Variants in OTOA observed in about 807,000 individuals in gnomAD.
OTOA encodes cancer/testis antigen 108.
A neutral mutation model predicts 110.8 loss-of-function variants in OTOA; 70 were observed. That is an observed-to-expected ratio of 0.63 (90% CI 0.52 to 0.77). The LOEUF (loss-of-function observed/expected upper bound fraction) is 0.77. Among genes scored for constraint, OTOA ranks in the 30% least tolerant of loss-of-function variants. OTOA has a pLI of 0.00. For missense variants in OTOA, 917 were observed against 1,075.8 expected, an observed-to-expected ratio of 0.85 and a Z score of 2.06; for synonymous variants, 373 against 431.5, an observed-to-expected ratio of 0.86 and a Z score of 1.68.
In OTOA at chr16:21,678,960, C is replaced by T; in HGVS notation, c.120+17C>T. 1 of 1,613,816 alleles carries T rather than the reference C, an allele frequency of 6.2e-7. No individual in the cohort carries two copies. Among genetic ancestry groups the T allele is most frequent in the Non-Finnish European group, 8.5e-7 (1 of 1,179,888 alleles). Reference sequence around the variant, plus strand: ...AACATGGCGGTGAGTATTCTATTTTCTGTTAATCAGAGTCCCCTCTACTGG... The same window carrying T: ...AACATGGCGGTGAGTATTCTATTTTTTGTTAATCAGAGTCCCCTCTACTGG... On this transcript the variant is annotated intron_variant, in intron 3 of 28. Coordinates refer to ENST00000646100, the MANE Select transcript of OTOA (RefSeq NM_144672.4).
chr16:21,718,133 T>A (rs958387821), intron 15 of OTOA, among the ~76,000 whole-genome samples: 5 of 152,124 alleles, frequency 3.3e-5, no homozygotes, highest in African/African-American at 1.2e-4. Flanking sequence ...AATTTTTGTA[T>A]TTTTTATAGA....
Position 21,679,076 on chromosome 16 carries a change from C to G in OTOA, c.151+10C>G. The G allele has an allele frequency of 6.2e-7, 1 of 1,613,778 alleles. No individual in the cohort carries two copies. Among genetic ancestry groups the G allele is most frequent in the Non-Finnish European group, 8.5e-7 (1 of 1,179,822 alleles). On this transcript the variant is annotated intron_variant, in intron 4 of 28. Transcript: ENST00000646100. ...GGAAGCTATCTGAATGGTAATGTGC[C>G]CCCTTGATCTCCACTTGCTTCTTCT... is the stretch of plus-strand genomic sequence containing the variant.
Position 21,679,179 on chromosome 16 carries a change from T to C in OTOA, c.152-5T>C. 1 of 1,613,832 alleles carries C rather than the reference T, an allele frequency of 6.2e-7. No individual in the cohort carries two copies. The highest frequency in any genetic ancestry group is 8.5e-7 in the Non-Finnish European group (1 of 1,179,902). On this transcript the variant is annotated splice_region_variant and splice_polypyrimidine_tract_variant and intron_variant, in intron 4 of 28. Transcript: ENST00000646100. The stretch of plus-strand genomic sequence containing the variant: ...AGATGTCTTTTCATTTTACTCCCAT[T>C]GTAGCACTGCTGGATCTCATACAGT...
rs1006123343 is a variant in OTOA at position 21,731,985 on chromosome 16, C to T, written c.2301+1055C>T. ...TATTTTATTATTTTATTTTATTTTGCGATGGAGTCTCCCTCTGTTGCCCAG... is the reference window on the plus strand; with the variant it reads ...TATTTTATTATTTTATTTTATTTTGTGATGGAGTCTCCCTCTGTTGCCCAG... On this transcript the variant is annotated intron_variant, in intron 21 of 28. Transcript: ENST00000646100. 4.6e-5 allele frequency among the ~76,000 whole-genome samples: 7 copies of T among 152,010 alleles called. No homozygotes were observed. In the South Asian group the frequency reaches 6.3e-4, roughly 14 times the overall value.
At chr16:21,667,324 C>T (rs974951683) in intron 1 of OTOA, among the ~76,000 whole-genome samples, 8 of 152,156 alleles carry the variant, frequency 5.3e-5, no homozygotes. Context: ...ATTTGCATAA[C>T]AAGTTAGACA....
chr16:21,697,037 C>CTTTTTTTTTTTTTT (rs56124254), intron 9 of OTOA, among the ~76,000 whole-genome samples: 1 of 65,034 alleles, frequency 1.5e-5, no homozygotes. Flanking sequence ...CTACAGCTGG[C>CTTTTTTTTTTTTTT]TTTTTTTTTT....
chr16:21,684,192 C>G (rs1332140550), intron 6 of OTOA, among the ~76,000 whole-genome samples: 1 of 152,014 alleles, frequency 6.6e-6, no homozygotes, highest in African/African-American at 2.4e-5. Flanking sequence ...GTATTTTACC[C>G]AGCAACCCTA....
intron 21 of OTOA, among the ~76,000 whole-genome samples, chr16:21,731,148 C>T (rs1899103413): frequency 6.6e-6 from 1 of 151,940 alleles, no homozygotes; most frequent in Admixed American, 6.6e-5. Context: ...TTTGTGTGGC[C>T]CCCCAGGCAG....
At chr16:21,667,051 G>T (rs1051430994) in intron 1 of OTOA, among the ~76,000 whole-genome samples, 58 of 152,234 alleles carry the variant, frequency 3.8e-4, no homozygotes, top group African/African-American at 1.4e-3. Flanking sequence ...GAGAAAAAAG[G>T]GTCAAAGGTT....
At chr16:21,686,871 T>A (rs2141660440) in intron 7 of OTOA, among the ~76,000 whole-genome samples, 1 of 152,146 alleles carries the variant, frequency 6.6e-6, no homozygotes, top group Admixed American at 6.5e-5. Flanking sequence ...GCGGACTGGG[T>A]GACAGAGCGA....
chr16:21,717,135 A>C (rs1597837134), intron 15 of OTOA, 88 bp downstream of exon 15: 1 of 1,556,520 alleles, frequency 6.4e-7, no homozygotes, highest in Non-Finnish European at 8.8e-7. Flanking sequence ...AATTTGATAA[A>C]AGAAATTTAT....
intron 21 of OTOA, among the ~76,000 whole-genome samples, chr16:21,734,600 G>A (rs1179515104): frequency 4.6e-5 from 7 of 152,230 alleles, no homozygotes; most frequent in African/African-American, 1.7e-4. Context: ...AGTTTGGGAG[G>A]CCGAGGCGGG....
chr16:21,734,606 G>A lies in OTOA; in HGVS notation c.2302-1655G>A, dbSNP rs376340701. 4.0e-4 allele frequency among the ~76,000 whole-genome samples: 61 copies of A among 152,342 alleles called. No homozygotes were observed. In the South Asian group the frequency reaches 0.013, roughly 32 times the overall value. On this transcript the variant is annotated intron_variant, in intron 21 of 28. Coordinates refer to ENST00000646100, the MANE Select transcript of OTOA (RefSeq NM_144672.4). The stretch of plus-strand genomic sequence containing the variant: ...AATCCCAGCAGTTTGGGAGGCCGAG[G>A]CGGGCAGATCACGAGGTCAGGAGAT...
intron 5 of OTOA, among the ~76,000 whole-genome samples, chr16:21,681,402 G>A (rs534186760): frequency 6.6e-6 from 1 of 152,108 alleles, no homozygotes; most frequent in South Asian, 2.1e-4. Flanking sequence ...ACCAGCCTGG[G>A]CAACATAGTG....
chr16:21,721,800 G>A (rs370280713), intron 17 of OTOA, among the ~76,000 whole-genome samples: 2 of 152,102 alleles, frequency 1.3e-5, no homozygotes, highest in African/African-American at 4.8e-5. Flanking sequence ...ACTGAGGCAG[G>A]AGGATCACTT....
At chr16:21,736,503 A>G (rs1406565622) in intron 22 of OTOA, 113 bp downstream of exon 22, 1 of 1,227,244 alleles carries the variant, frequency 8.1e-7, no homozygotes, top group African/African-American at 1.5e-5. Flanking sequence ...AATGTCTGCA[A>G]AGCAATAGAA....
At chr16:21,679,707 A>G (rs955530120) in intron 5 of OTOA, among the ~76,000 whole-genome samples, 3 of 152,056 alleles carry the variant, frequency 2.0e-5, no homozygotes, top group Admixed American at 2.0e-4. Flanking sequence ...AACCGGCCTA[A>G]GAGCTGAAAT....
At chr16:21,724,135 G>T (rs934267036) in intron 18 of OTOA, among the ~76,000 whole-genome samples, 1 of 152,188 alleles carries the variant, frequency 6.6e-6, no homozygotes, top group East Asian at 1.9e-4. Flanking sequence ...TTTGGGGGAA[G>T]ATGTTGAATC....
rs1391328541 is a variant in OTOA at position 21,687,536 on chromosome 16, G to A, written c.523G>A (p.Glu175Lys). ...ERCFQMLNSL[E>K]CVEILGKVLR... is the part of the protein sequence containing the mutation. ...GTGTTTCCAGATGCTGAACTCCCTG[G>A]AGTGTGTGGAGATCCTGGGCAAGGT... The change falls in exon 8 of 29, where the codon GAG becomes AAG. Residue 175 changes from glutamate (E) to lysine (K), a missense_variant. Physicochemically the swap from Glu to Lys is moderately conservative, Grantham distance 56. Transcript: ENST00000646100. 6 of 1,614,120 alleles carry A rather than the reference G, an allele frequency of 3.7e-6. No homozygotes were observed. The Admixed American group carries it at 6.7e-5, about 18-fold the overall frequency.
Sources: gnomAD v4.1 joint callset for allele counts (sites outside exome capture counted in the v4.1 genomes callset) on GRCh38, gnomAD v4.1.1 for gene constraint, MANE v1.5 for transcripts, NCBI Gene and HGNC (gene_info 2026-07-23, HGNC 2026-07-21) for gene names.